Variants in GRIP1 observed in about 807,000 individuals in gnomAD.
GRIP1 encodes glutamate receptor-interacting protein 1.
A neutral mutation model predicts 129.9 loss-of-function variants in GRIP1; 45 were observed. The ratio of observed to expected loss-of-function variants is 0.35; its 90% confidence interval spans 0.27 to 0.44. The LOEUF is 0.44. Ranked by LOEUF, GRIP1 falls within the 20% of genes least tolerant of loss-of-function variation. GRIP1 has a pLI of 1.00. For synonymous variants in GRIP1, 530 were observed against 520.8 expected (o/e 1.02, Z -0.24); for missense variants, 1,196 against 1,396.8 (o/e 0.86, Z 2.29).
chr12:66,585,160 G>A (rs1170941589), intron 2 of GRIP1, among the ~76,000 whole-genome samples: 1 of 146,262 alleles, frequency 6.8e-6, no homozygotes, highest in Non-Finnish European at 1.5e-5. Context: ...GTGCAGGTTA[G>A]TTACATATGT....
chr12:66,873,918 T>G (rs1030033746), intron 1 of GRIP1, among the ~76,000 whole-genome samples: 1 of 152,116 alleles, frequency 6.6e-6, no homozygotes, highest in African/African-American at 2.4e-5. Context: ...AAAATTCAAT[T>G]ACGTTTCTCT....
At chr12:67,046,894 C>A (rs2043262486) in intron 1 of GRIP1, among the ~76,000 whole-genome samples, 1 of 152,128 alleles carries the variant, frequency 6.6e-6, no homozygotes. Flanking sequence ...TCCTACGTAG[C>A]CATTTTTAGA....
chr12:67,050,711 T>C (rs55740393), intron 1 of GRIP1, among the ~76,000 whole-genome samples: 29 of 152,132 alleles, frequency 1.9e-4, no homozygotes, highest in Non-Finnish European at 1.9e-4. Flanking sequence ...TCTCCATGCA[T>C]GTTCTGAACT....
intron 13 of GRIP1, among the ~76,000 whole-genome samples, chr12:66,440,044 T>C (rs2058428234): frequency 1.3e-5 from 2 of 152,260 alleles, no homozygotes; most frequent in Non-Finnish European, 1.5e-5. Flanking sequence ...TAAATCTTCA[T>C]TCTTTTCAAC....
chr12:66,580,021 C>T (rs990023527), intron 2 of GRIP1, among the ~76,000 whole-genome samples: 41 of 148,834 alleles, frequency 2.8e-4, no homozygotes, highest in African/African-American at 9.9e-4. Context: ...GGTCGGGTTA[C>T]CCACAAAGGG....
intron 1 of GRIP1, among the ~76,000 whole-genome samples, chr12:66,663,879 A>T (rs928099005): frequency 6.6e-6 from 1 of 152,192 alleles, no homozygotes; most frequent in African/African-American, 2.4e-5. Context: ...CTGTCTAAGG[A>T]TCTAAGAATG....
chr12:66,720,063 G>A (rs2036013415), intron 1 of GRIP1, among the ~76,000 whole-genome samples: 1 of 152,090 alleles, frequency 6.6e-6, no homozygotes, highest in South Asian at 2.1e-4. Flanking sequence ...TATAAATGCT[G>A]ACTTATCTAA....
At chr12:66,728,409 A>G (rs1369752455) in intron 1 of GRIP1, among the ~76,000 whole-genome samples, 1 of 152,258 alleles carries the variant, frequency 6.6e-6, no homozygotes, top group East Asian at 1.9e-4. Context: ...CTCAGCACAC[A>G]GTCACCCCTG....
At chr12:66,385,738 T>C (rs1159641506) in intron 19 of GRIP1, among the ~76,000 whole-genome samples, 1 of 151,914 alleles carries the variant, frequency 6.6e-6, no homozygotes, top group African/African-American at 2.4e-5. Context: ...GCTTCCTGAG[T>C]AGCTGGGATT....
At chr12:66,441,679 GC>G (rs1222750226) in intron 13 of GRIP1, among the ~76,000 whole-genome samples, 1 of 152,184 alleles carries the variant, frequency 6.6e-6, no homozygotes, top group African/African-American at 2.4e-5. Context: ...ACAGTGCTTA[GC>G]ACCTAGTAAC....
chr12:66,596,173 T>C (rs2064042078), intron 2 of GRIP1, among the ~76,000 whole-genome samples: 1 of 152,254 alleles, frequency 6.6e-6, no homozygotes, highest in Admixed American at 6.5e-5. Flanking sequence ...TTAGTTCAGA[T>C]TGTTTGAATA....
intron 1 of GRIP1, among the ~76,000 whole-genome samples, chr12:66,923,607 C>G (rs965234693): frequency 5.9e-5 from 9 of 152,166 alleles, no homozygotes; most frequent in African/African-American, 2.2e-4. Context: ...AAGGCTGCCA[C>G]AGCCGCCTCC....
At chr12:66,740,015 A>G (rs978318750) in intron 1 of GRIP1, among the ~76,000 whole-genome samples, 15 of 152,156 alleles carry the variant, frequency 9.9e-5, no homozygotes, top group Non-Finnish European at 1.8e-4. Flanking sequence ...TCCCCTTGTC[A>G]GCTCTCCCCT....
chr12:66,734,594 C>A (rs1177975795), intron 1 of GRIP1, among the ~76,000 whole-genome samples: 1 of 151,968 alleles, frequency 6.6e-6, no homozygotes, highest in Non-Finnish European at 1.5e-5. Flanking sequence ...GTATACAGAT[C>A]TATGATGGAA....
intron 1 of GRIP1, among the ~76,000 whole-genome samples, chr12:66,922,822 T>C (rs912504505): frequency 2.0e-5 from 3 of 152,154 alleles, no homozygotes; most frequent in Admixed American, 6.5e-5. Context: ...GTCTTGAGGA[T>C]AGAAAGCCTG....
At chr12:66,427,920 C>G (rs949945603) in intron 14 of GRIP1, among the ~76,000 whole-genome samples, 3 of 151,978 alleles carry the variant, frequency 2.0e-5, no homozygotes, top group African/African-American at 7.2e-5. Context: ...TGGGGCCAAA[C>G]CAATGTAAAG....
At chr12:66,812,674 C>T (rs2039126809) in intron 1 of GRIP1, among the ~76,000 whole-genome samples, 1 of 152,182 alleles carries the variant, frequency 6.6e-6, no homozygotes. Context: ...ATGTCTACAG[C>T]TCTAAGGATT....
chr12:66,844,348 A>G (rs1348875703), intron 1 of GRIP1, among the ~76,000 whole-genome samples: 1 of 152,182 alleles, frequency 6.6e-6, no homozygotes, highest in Non-Finnish European at 1.5e-5. Context: ...AATATGCTCA[A>G]CATCACTACT....
intron 22 of GRIP1, chr12:66,372,370 T>C (rs2055555503): frequency 3.8e-6 from 1 of 261,192 alleles, no homozygotes; most frequent in Non-Finnish European, 7.5e-6. Context: ...ATGCTGCCTC[T>C]ATCTCCAACT....
Sources: gnomAD v4.1 joint callset for allele counts (sites outside exome capture counted in the v4.1 genomes callset) on GRCh38, gnomAD v4.1.1 for gene constraint, MANE v1.5 for transcripts, NCBI Gene and HGNC (gene_info 2026-07-23, HGNC 2026-07-21) for gene names.